PLA2G4A: variants seen among roughly 807,000 people sequenced by gnomAD.
The protein encoded by PLA2G4A is phospholipase A2 group IVA.
PLA2G4A carries 40 observed loss-of-function variants against 81.9 expected under a neutral mutation model. The ratio of observed to expected loss-of-function variants is 0.49; its 90% CI spans 0.38 to 0.64. The LOEUF is 0.64. Among genes scored for constraint, PLA2G4A ranks in the 30% least tolerant of loss-of-function variants. The pLI, the probability that PLA2G4A is intolerant of heterozygous loss-of-function variation, is 0.00. For missense variants in PLA2G4A, 715 were observed against 905.1 expected, an observed-to-expected ratio of 0.79 and a Z score of 2.69; for synonymous variants, 302 against 296.9, an observed-to-expected ratio of 1.02 and a Z score of -0.18.
At chr1:186,863,621 T>C (rs1033990017) in intron 2 of PLA2G4A, among the ~76,000 whole-genome samples, 2 of 152,098 alleles carry the variant, frequency 1.3e-5, no homozygotes, top group African/African-American at 4.8e-5. Context: ...TTTACCATTC[T>C]CTCCCCCATT....
At chr1:186,865,442 C>T (rs1056421521) in intron 2 of PLA2G4A, among the ~76,000 whole-genome samples, 1 of 152,036 alleles carries the variant, frequency 6.6e-6, no homozygotes. Context: ...CACCTGAAAG[C>T]GAAACTGAAA....
chr1:186,863,045 T>G (rs995895211), intron 2 of PLA2G4A, among the ~76,000 whole-genome samples: 2 of 152,216 alleles, frequency 1.3e-5, no homozygotes, highest in African/African-American at 2.4e-5. Context: ...ATTTCAATGT[T>G]TTAAGGATAT....
chr1:186,831,989 C>T (rs1651607335), intron 1 of PLA2G4A, among the ~76,000 whole-genome samples: 1 of 151,988 alleles, frequency 6.6e-6, no homozygotes, highest in Non-Finnish European at 1.5e-5. Context: ...TTTGTATTCA[C>T]ATATTTAACA....
intron 10 of PLA2G4A, among the ~76,000 whole-genome samples, chr1:186,945,035 G>A (rs1327232088): frequency 6.6e-6 from 1 of 152,020 alleles, no homozygotes; most frequent in Non-Finnish European, 1.5e-5. Context: ...TATAATTTCA[G>A]AAAGAGAAAA....
intron 3 of PLA2G4A, among the ~76,000 whole-genome samples, chr1:186,876,544 G>A (rs997445804): frequency 5.3e-5 from 8 of 152,254 alleles, no homozygotes; most frequent in Non-Finnish European, 8.8e-5. Context: ...CTATAAATTA[G>A]GAGTAGGGCT....
chr1:186,848,345 T>C (rs540902494), intron 1 of PLA2G4A, among the ~76,000 whole-genome samples: 1 of 152,214 alleles, frequency 6.6e-6, no homozygotes, highest in African/African-American at 2.4e-5. Context: ...TTTCCAACTA[T>C]AAGGGTTTAA....
At chr1:186,847,774 G>T (rs572135908) in intron 1 of PLA2G4A, among the ~76,000 whole-genome samples, 2 of 152,006 alleles carry the variant, frequency 1.3e-5, no homozygotes, top group Non-Finnish European at 2.9e-5. Context: ...GATCTGGAGA[G>T]GAATATGCCT....
At position 186,919,304 on chromosome 1, in the gene PLA2G4A, C is replaced by T. The variant is rs116403319; in HGVS notation, c.558+7915C>T. Among the ~76,000 whole-genome samples the T allele has an allele frequency of 7.6e-3, 1,163 of 152,292 alleles. 11 individuals are homozygous for T. Among genetic ancestry groups the T allele is most frequent in the African/African-American group, 0.027 (1,118 of 41,570 alleles). On this transcript the variant is annotated intron_variant, in intron 7 of 17. Transcript: ENST00000367466. ...CTACTTGCCTTCTGGTTCCAGGTTC[C>T]GGTAGGCTACAGATGACCTGCTTTC...
chr1:186,909,068 G>A (rs1302400329), intron 6 of PLA2G4A, among the ~76,000 whole-genome samples: 1 of 143,184 alleles, frequency 7.0e-6, no homozygotes, highest in African/African-American at 2.5e-5. Context: ...CTGCCTCCCA[G>A]GTTCACGCCA....
At chr1:186,950,819 A>G (rs763290184) in intron 13 of PLA2G4A, 91 bp downstream of exon 13, 1 of 763,464 alleles carries the variant, frequency 1.3e-6, no homozygotes, top group Non-Finnish European at 2.4e-6. Flanking sequence ...GCTGATGGTA[A>G]TCTTCACTTC....
rs374028240 is a variant in PLA2G4A, at chr1:186,911,384, C to A, written c.553C>A (p.Arg185Ser). 5 of 1,607,822 alleles carry A rather than the reference C, an allele frequency of 3.1e-6. No individual in the cohort carries two copies. Among genetic ancestry groups the A allele is most frequent in the Non-Finnish European group, 3.4e-6 (4 of 1,174,282 alleles). ...GAATAGTGAAGGATTGCATTCTGCA[C>A]GTGATGTGAGTTGGAAATTTTTCAA... ...PKNSEGLHSA[R>S]DVPVVAILGS... Residue 185 changes from arginine to serine, a missense_variant, in exon 7 of 18, where the codon CGT becomes AGT. Transcript: ENST00000367466.
intron 10 of PLA2G4A, among the ~76,000 whole-genome samples, chr1:186,940,373 A>G (rs931304490): frequency 1.3e-5 from 2 of 152,226 alleles, no homozygotes; most frequent in Non-Finnish European, 2.9e-5. Context: ...TCCACTCCTC[A>G]GTAACTTTTG....
chr1:186,885,916 G>A (rs1338161884), intron 3 of PLA2G4A, among the ~76,000 whole-genome samples: 3 of 152,046 alleles, frequency 2.0e-5, no homozygotes, highest in African/African-American at 4.8e-5. Context: ...AATATCTGGG[G>A]TATGACAAAA....
chr1:186,905,429 T>C (rs563323080), intron 5 of PLA2G4A, among the ~76,000 whole-genome samples: 5 of 152,018 alleles, frequency 3.3e-5, no homozygotes, highest in African/African-American at 9.6e-5. Flanking sequence ...TTTACCCATA[T>C]CTTGCTTTCT....
chr1:186,849,332 G>A (rs184344027), intron 1 of PLA2G4A, among the ~76,000 whole-genome samples: 8 of 152,124 alleles, frequency 5.3e-5, no homozygotes, highest in Non-Finnish European at 8.8e-5. Context: ...CAGACATTGC[G>A]TCAGTGGAAT....
intron 7 of PLA2G4A, 43 bp downstream of exon 7, chr1:186,911,432 AT>A: frequency 7.1e-7 from 1 of 1,415,832 alleles, no homozygotes; most frequent in Non-Finnish European, 1.0e-6. Flanking sequence ...TTTAATAATA[AT>A]TTAGCTTGGA....
intron 17 of PLA2G4A, among the ~76,000 whole-genome samples, chr1:186,979,943 CTTTT>C (rs34029312): frequency 1.0e-5 from 1 of 98,790 alleles, no homozygotes; most frequent in Admixed American, 1.4e-4. Context: ...ACAGCATTTC[CTTTT>C]TTTTTTTTTT....
In PLA2G4A at chr1:186,935,336, CTTTG is replaced by C. The variant is rs910705298; in HGVS notation, c.695+2442_695+2445del. Among the ~76,000 whole-genome samples, 114 of 150,794 alleles carry C rather than the reference CTTTG, an allele frequency of 7.6e-4. 2 individuals carry two copies. Among genetic ancestry groups the C allele is most frequent in the African/African-American group, 2.6e-3 (109 of 41,180 alleles). On this transcript the variant is annotated intron_variant, in intron 8 of 17. Transcript: ENST00000367466. ...TAAAAGCCATCTATTATTTCAAGTA[CTTTG>C]TTTGGAAAGGGAAGGAAGGAGCTCG...
At chr1:186,942,840 G>C (rs1253230427) in intron 10 of PLA2G4A, among the ~76,000 whole-genome samples, 2 of 152,038 alleles carry the variant, frequency 1.3e-5, no homozygotes, top group Non-Finnish European at 1.5e-5. Flanking sequence ...TGAGATGAGT[G>C]GTGCATCATT....
Sources: gnomAD v4.1 joint callset for allele counts (sites outside exome capture counted in the v4.1 genomes callset) on GRCh38, gnomAD v4.1.1 for gene constraint, MANE v1.5 for transcripts, NCBI Gene and HGNC (gene_info 2026-07-23, HGNC 2026-07-21) for gene names.